Variants in DOCK1 observed in about 807,000 individuals in gnomAD.
DOCK1 encodes the protein dedicator of cytokinesis protein 1.
Under a neutral mutation model 262.7 loss-of-function variants are expected in DOCK1, and 138 were observed. The ratio of observed to expected loss-of-function variants is 0.53; its 90% CI spans 0.46 to 0.61. The LOEUF (loss-of-function observed/expected upper bound fraction) is 0.61, where lower values mean the gene tolerates loss of function less well. DOCK1 is among the 20% of genes least tolerant of loss of function. The pLI is 0.00. For missense variants in DOCK1, 1,908 were observed against 2,370.7 expected, an observed-to-expected ratio of 0.80 and a Z score of 4.05; for synonymous variants, 866 against 867.4, an observed-to-expected ratio of 1.00 and a Z score of 0.03.
intron 1 of DOCK1, among the ~76,000 whole-genome samples, chr10:126,930,491 T>C (rs1161268267): frequency 6.6e-6 from 1 of 152,202 alleles, no homozygotes; most frequent in Non-Finnish European, 1.5e-5. Flanking sequence ...CAGGTGCCCT[T>C]CCCGGGTGGG....
intron 23 of DOCK1, among the ~76,000 whole-genome samples, chr10:127,062,419 T>C (rs2045595257): frequency 6.6e-6 from 1 of 152,224 alleles, no homozygotes; most frequent in Non-Finnish European, 1.5e-5. Flanking sequence ...TCTACTTGCT[T>C]TTTGAACATA....
intron 23 of DOCK1, among the ~76,000 whole-genome samples, chr10:127,074,953 G>A (rs1436262466): frequency 3.3e-5 from 5 of 151,944 alleles, no homozygotes; most frequent in South Asian, 2.1e-4. Flanking sequence ...CCTGAGGTTG[G>A]GAGTTCGAGA....
intron 27 of DOCK1, among the ~76,000 whole-genome samples, chr10:127,156,467 G>T (rs1479607848): frequency 4.0e-5 from 6 of 151,812 alleles, no homozygotes; most frequent in African/African-American, 1.5e-4. Context: ...CCAGGACCTT[G>T]GAGTACTTCA....
At chr10:126,906,964 C>G (rs1478643670) in intron 1 of DOCK1, among the ~76,000 whole-genome samples, 1 of 152,150 alleles carries the variant, frequency 6.6e-6, no homozygotes, top group Non-Finnish European at 1.5e-5. Flanking sequence ...TGAGCTTCCT[C>G]CCCATCTCCC....
intron 30 of DOCK1, among the ~76,000 whole-genome samples, chr10:127,339,625 TTG>T (rs754796831): frequency 0.042 from 5,892 of 139,222 alleles, 166 homozygotes; most frequent in African/African-American, 0.082. Flanking sequence ...GTGTGTGTGT[TTG>T]TGTGTGTGTG....
rs137895571 is a variant in DOCK1 at position 127,321,616 on chromosome 10, C to G, written c.3045-17390C>G. 9.7e-3 allele frequency among the ~76,000 whole-genome samples: 1,470 copies of G among 151,986 alleles called. 29 individuals are homozygous for G. Among genetic ancestry groups the G allele is most frequent in the Non-Finnish European group, 0.011 (772 of 67,974 alleles). ...GGTCCCTCCTATCCCCAAGGAGGTG[C>G]TCTGAACCCACTCCCCATGGCTGTG... On this transcript the variant is annotated intron_variant, in intron 29 of 51. Coordinates refer to ENST00000623213, the MANE Select transcript of DOCK1 (RefSeq NM_001290223.2).
In DOCK1 at chr10:127,032,328, C is replaced by G. The variant is rs9418802; in HGVS notation, c.1912+8C>G. 1 of 1,512,538 alleles carries G rather than the reference C, an allele frequency of 6.6e-7. No individual in the cohort carries two copies. Among genetic ancestry groups the G allele is most frequent in the Non-Finnish European group, 8.8e-7 (1 of 1,134,734 alleles). 93.7% of individuals were successfully genotyped at this position (1,512,538 alleles called of 1,614,324 possible). On this transcript the variant is annotated splice_region_variant and intron_variant, in intron 18 of 51. Coordinates refer to ENST00000623213, the MANE Select transcript of DOCK1 (RefSeq NM_001290223.2). ...CCAAACTGACTCAGAACGGTGCGTT[C>G]GAGAGGAGAAACACACTCACCCCAG...
chr10:127,212,478 G>A (rs1234900033), intron 27 of DOCK1, among the ~76,000 whole-genome samples: 1 of 152,136 alleles, frequency 6.6e-6, no homozygotes, highest in Non-Finnish European at 1.5e-5. Context: ...AGTATTCAAA[G>A]CCTTTGATTC....
At chr10:127,172,409 T>C (rs1217918220) in intron 27 of DOCK1, among the ~76,000 whole-genome samples, 1 of 152,178 alleles carries the variant, frequency 6.6e-6, no homozygotes, top group Non-Finnish European at 1.5e-5. Flanking sequence ...CTGTCACTCC[T>C]GGGACTCTGT....
In DOCK1 at chr10:127,100,594, G is replaced by A. The variant is rs2048184587; in HGVS notation, c.2446-5637G>A. ...TTGGGAGTCATTGGCATGGCAGGAG[G>A]TGAGGTCCCTTGTGGGATATGTGGA... On this transcript the variant is annotated intron_variant, in intron 23 of 51. Coordinates refer to ENST00000623213, the MANE Select transcript of DOCK1 (RefSeq NM_001290223.2). This position sits in a 1 kb window ranked among gnomAD's most constrained non-coding sequence, Gnocchi z 5.5. Among the ~76,000 whole-genome samples, 1 of 152,138 alleles carries A rather than the reference G, an allele frequency of 6.6e-6. No individual in the cohort carries two copies. The highest frequency in any genetic ancestry group is 1.5e-5 in the Non-Finnish European group (1 of 68,020).
intron 29 of DOCK1, among the ~76,000 whole-genome samples, chr10:127,332,360 G>A (rs930977200): frequency 1.3e-5 from 2 of 152,158 alleles, no homozygotes; most frequent in Non-Finnish European, 2.9e-5. Flanking sequence ...TTATTGATTT[G>A]AAAAAGAAAA....
rs1310138833 is a variant in DOCK1 at position 127,138,329 on chromosome 10, CCA to C, written c.2847+10568_2847+10569del. 2.0e-5 allele frequency among the ~76,000 whole-genome samples: 3 copies of C among 152,066 alleles called. No individual in the cohort carries two copies. In the South Asian group the frequency reaches 6.2e-4, roughly 32 times the overall value. ...AAATATGAATAACCCCATTGTTTGT[CCA>C]CAGTCTGTTCACATGGGCCTCATGG... On this transcript the variant is annotated intron_variant, in intron 27 of 51. Transcript: ENST00000623213.
Position 127,248,064 on chromosome 10 carries a change from T to C in DOCK1, c.2904T>C (p.Tyr968=). Residue 968 remains tyrosine, a synonymous_variant, in exon 28 of 52, where the codon TAT becomes TAC. Coordinates refer to ENST00000623213, the MANE Select transcript of DOCK1 (RefSeq NM_001290223.2). ...AILRQMEDYH[Y]AHLIKTFGKM... ...TACGACAAATGGAAGATTACCATTA[T>C]GCCCACTTGATCAAGACTTTTGGGA... 1 of 1,614,044 alleles carries C rather than the reference T, an allele frequency of 6.2e-7. No individual in the cohort carries two copies. The highest frequency in any genetic ancestry group is 2.2e-5 in the East Asian group (1 of 44,890).
intron 27 of DOCK1, among the ~76,000 whole-genome samples, chr10:127,209,055 G>A (rs1417154591): frequency 2.0e-5 from 3 of 152,082 alleles, no homozygotes; most frequent in Admixed American, 6.6e-5. Context: ...GTGTTTAACC[G>A]AAGGAAACAT....
chr10:127,442,169 A>G (rs972819721), intron 49 of DOCK1, among the ~76,000 whole-genome samples: 2 of 151,878 alleles, frequency 1.3e-5, no homozygotes, highest in Non-Finnish European at 2.9e-5. Flanking sequence ...TCTGTCACTC[A>G]TTTACCAGAG....
intron 22 of DOCK1, among the ~76,000 whole-genome samples, 162 bp downstream of exon 22, chr10:127,052,977 GC>G (rs550955809): frequency 8.3e-4 from 126 of 151,962 alleles, no homozygotes; most frequent in African/African-American, 2.9e-3. Context: ...CCTGGGGTGA[GC>G]TGCCCACTCT....
At chr10:127,090,660 C>A (rs777324898) in intron 23 of DOCK1, among the ~76,000 whole-genome samples, 1 of 152,178 alleles carries the variant, frequency 6.6e-6, no homozygotes, top group Non-Finnish European at 1.5e-5. Flanking sequence ...CACTCTGTTT[C>A]CCCCTTCACA....
chr10:126,966,843 G>A (rs2037712383), intron 1 of DOCK1, among the ~76,000 whole-genome samples: 2 of 152,306 alleles, frequency 1.3e-5, no homozygotes, highest in Admixed American at 6.5e-5. Context: ...AGAACTTGGC[G>A]CTTGGTTTAT....
chr10:127,098,766 C>T (rs187648240), intron 23 of DOCK1, among the ~76,000 whole-genome samples: 1 of 152,208 alleles, frequency 6.6e-6, no homozygotes. Flanking sequence ...AGATTCCACG[C>T]AGCACCATCT....
Sources: gnomAD v4.1 joint callset for allele counts (sites outside exome capture counted in the v4.1 genomes callset) on GRCh38, gnomAD v4.1.1 for gene constraint, Gnocchi (gnomAD v3.1) non-coding constraint, MANE v1.5 for transcripts, NCBI Gene and HGNC (gene_info 2026-07-23, HGNC 2026-07-21) for gene names.